Variants in FAM81B observed in about 807,000 individuals in gnomAD.
FAM81B encodes the protein protein FAM81B.
A neutral mutation model predicts 58.7 loss-of-function variants in FAM81B; 60 were observed. The observed-to-expected ratio is 1.02, with a 90% CI of 0.83 to 1.27. The LOEUF (loss-of-function observed/expected upper bound fraction) is 1.27. Among genes scored for constraint, FAM81B ranks in the 50% most tolerant of loss-of-function variants. The probability of loss-of-function intolerance (pLI) is 0.00; values close to 1 mark genes in which losing one functional copy is unlikely to be tolerated. For synonymous variants in FAM81B, 189 were observed against 179.6 expected (o/e 1.05, Z -0.42); for missense variants, 491 against 522.0 (o/e 0.94, Z 0.58).
At chr5:95,448,566 A>C in intron 9 of FAM81B, 102 bp downstream of exon 9, 1 of 1,073,290 alleles carries the variant, frequency 9.3e-7, no homozygotes, top group Non-Finnish European at 1.3e-6. Flanking sequence ...TCTTGTCATT[A>C]GTGACATCGT....
chr5:95,404,073 C>T (rs1352888910), intron 3 of FAM81B, among the ~76,000 whole-genome samples: 4 of 152,070 alleles, frequency 2.6e-5, no homozygotes, highest in African/African-American at 4.8e-5. Context: ...GACTGAAAAC[C>T]GGGAGACCAA....
At chr5:95,413,367 G>A (rs1444988196) in intron 3 of FAM81B, among the ~76,000 whole-genome samples, 2 of 152,120 alleles carry the variant, frequency 1.3e-5, no homozygotes, top group Non-Finnish European at 2.9e-5. Flanking sequence ...CAATGTTTGA[G>A]ATTATGTCTT....
chr5:95,413,550 T>C (rs1311207749), intron 3 of FAM81B, among the ~76,000 whole-genome samples: 1 of 152,238 alleles, frequency 6.6e-6, no homozygotes, highest in Non-Finnish European at 1.5e-5. Context: ...CCTATCCTCC[T>C]GACTCCTATT....
At chr5:95,404,036 A>T (rs1561292588) in intron 3 of FAM81B, among the ~76,000 whole-genome samples, 1 of 152,156 alleles carries the variant, frequency 6.6e-6, no homozygotes, top group Non-Finnish European at 1.5e-5. Context: ...GGGGGAAATG[A>T]AGCATAATTT....
chr5:95,409,735 C>T (rs1224578577), intron 3 of FAM81B, among the ~76,000 whole-genome samples: 1 of 152,184 alleles, frequency 6.6e-6, no homozygotes, highest in Non-Finnish European at 1.5e-5. Flanking sequence ...CCATCCATCA[C>T]TAGGGTAATA....
chr5:95,423,913 G>A, intron 5 of FAM81B: 1 of 788,134 alleles, frequency 1.3e-6, no homozygotes, highest in South Asian at 1.5e-5. Flanking sequence ...ATGGAATCAA[G>A]CAGCATTACT....
intron 5 of FAM81B, chr5:95,424,183 C>T: frequency 7.8e-7 from 1 of 1,289,814 alleles, no homozygotes; most frequent in Non-Finnish European, 1.0e-6. Context: ...CTCACTGATC[C>T]TCTGCAGGTA....
intron 3 of FAM81B, among the ~76,000 whole-genome samples, chr5:95,413,706 T>G (rs1762462671): frequency 6.6e-6 from 1 of 152,190 alleles, no homozygotes; most frequent in African/African-American, 2.4e-5. Flanking sequence ...TCTAACATCT[T>G]CTTTCATGAA....
chr5:95,410,598 A>G (rs1762380225), intron 3 of FAM81B, among the ~76,000 whole-genome samples: 1 of 152,216 alleles, frequency 6.6e-6, no homozygotes, highest in African/African-American at 2.4e-5. Flanking sequence ...TCCAGCATAT[A>G]TAATAGTCAT....
chr5:95,437,583 C>T (rs1350114582), intron 7 of FAM81B, among the ~76,000 whole-genome samples: 4 of 152,122 alleles, frequency 2.6e-5, no homozygotes, highest in Admixed American at 2.0e-4. Flanking sequence ...GTGATCCGCC[C>T]GCCTCAGCCT....
chr5:95,433,272 C>T (rs776125175), intron 6 of FAM81B, among the ~76,000 whole-genome samples: 3 of 151,944 alleles, frequency 2.0e-5, no homozygotes, highest in Non-Finnish European at 2.9e-5. Flanking sequence ...GTAGCAAAGG[C>T]ATGTTTTACA....
chr5:95,434,401 C>A (rs1160185068), intron 6 of FAM81B, among the ~76,000 whole-genome samples: 2 of 152,174 alleles, frequency 1.3e-5, no homozygotes, highest in African/African-American at 4.8e-5. Flanking sequence ...CAGGTCAAGT[C>A]CTTCTCATGC....
Position 95,428,488 on chromosome 5 carries a change from T to C in FAM81B, c.657-115T>C, listed in dbSNP as rs76810537. Reference sequence around the variant, plus strand: ...TGAATACACTCCTATATCTACCAACTCATTCTTCAAATGACTTTAGAACTT... The same window carrying C: ...TGAATACACTCCTATATCTACCAACCCATTCTTCAAATGACTTTAGAACTT... On this transcript the variant is annotated intron_variant, in intron 5 of 9. Coordinates refer to ENST00000283357, the MANE Select transcript of FAM81B (RefSeq NM_152548.3). The C allele has an allele frequency of 1.6e-3, 2,075 of 1,293,604 alleles. 30 individuals are homozygous for C. The African/African-American group carries it at 0.028, about 17-fold the overall frequency. 80.1% of individuals were successfully genotyped at this position (1,293,604 alleles called of 1,614,324 possible). A position where few individuals can be genotyped will look rare whatever the true frequency, so the allele number is the denominator to read the frequency against.
intron 3 of FAM81B, among the ~76,000 whole-genome samples, chr5:95,400,447 C>CACACACACACACAT (rs1554042707): frequency 3.0e-4 from 46 of 151,392 alleles, no homozygotes; most frequent in African/African-American, 1.1e-3. Context: ...CACACACACA[C>CACACACACACACAT]ACATACATAC....
intron 5 of FAM81B, among the ~76,000 whole-genome samples, chr5:95,424,421 G>A (rs1178868480): frequency 2.2e-5 from 3 of 134,230 alleles, no homozygotes; most frequent in Non-Finnish European, 3.2e-5. Flanking sequence ...CGGTTTCAAC[G>A]AAATTAAGAA....
chr5:95,392,503 T>A (rs528967118), intron 1 of FAM81B, among the ~76,000 whole-genome samples: 30 of 152,016 alleles, frequency 2.0e-4, no homozygotes, highest in Non-Finnish European at 3.4e-4. Context: ...AAGTATAATT[T>A]AAAAAAAATA....
chr5:95,413,989 T>A lies in FAM81B; in HGVS notation c.336T>A (p.Gly112=), dbSNP rs1390030156. The change falls in exon 4 of 10, where the codon GGT becomes GGA. Residue 112 remains glycine (G), a synonymous_variant. Transcript: ENST00000283357. ...CCATCATTCCAAACACCCAGAGAGG[T>A]CAGCTAGAAGACAGACTGAACAACC... is the stretch of plus-strand genomic sequence containing the variant. ...FLPIIPNTQR[G]QLEDRLNNQA... The A allele has an allele frequency of 1.9e-6, 3 of 1,613,740 alleles. No individual in the cohort carries two copies. The highest frequency in any genetic ancestry group is 1.1e-5 in the South Asian group (1 of 91,032).
At chr5:95,398,462 A>G (rs1375243103) in intron 3 of FAM81B, among the ~76,000 whole-genome samples, 1 of 149,778 alleles carries the variant, frequency 6.7e-6, no homozygotes, top group Non-Finnish European at 1.5e-5. Context: ...AAAAAACTTC[A>G]GCCTTCAACT....
At chr5:95,409,729 C>G (rs1288253916) in intron 3 of FAM81B, among the ~76,000 whole-genome samples, 1 of 152,184 alleles carries the variant, frequency 6.6e-6, no homozygotes, top group Non-Finnish European at 1.5e-5. Flanking sequence ...GAGCAACCAT[C>G]CATCACTAGG....
Sources: allele counts gnomAD v4.1 joint callset (sites outside exome capture counted in the v4.1 genomes callset), GRCh38; gene constraint gnomAD v4.1.1; transcripts MANE v1.5; gene names NCBI Gene and HGNC (gene_info 2026-07-23, HGNC 2026-07-21).